The following IFT140 variants were observed in gnomAD, a reference collection of about 807,000 sequenced individuals.
IFT140 encodes the protein intraflagellar transport 140, also known as intraflagellar transport protein 140 homolog.
IFT140 carries 133 observed loss-of-function variants against 164.6 expected under a neutral mutation model. That is an observed-to-expected ratio of 0.81 (90% confidence interval 0.70 to 0.93). The LOEUF is 0.93. Ranked by LOEUF, IFT140 falls within the 40% of genes least tolerant of loss-of-function variation. IFT140 has a pLI of 0.00. For missense variants in IFT140, 2,045 were observed against 1,972.3 expected, an observed-to-expected ratio of 1.04 and a Z score of -0.70; for synonymous variants, 860 against 817.3, an observed-to-expected ratio of 1.05 and a Z score of -0.89.
intron 26 of IFT140, among the ~76,000 whole-genome samples, chr16:1,521,256 G>A (rs1459738719): frequency 3.9e-5 from 6 of 151,962 alleles, no homozygotes; most frequent in African/African-American, 7.3e-5. Flanking sequence ...AGTAGAGACG[G>A]GGTTTTGCAA....
Position 1,531,612 on chromosome 16 carries a change from G to C in IFT140, c.2400-4816C>G, listed in dbSNP as rs1455111706. On this transcript the variant is annotated intron_variant, in intron 19 of 30. Coordinates refer to ENST00000426508, the MANE Select transcript of IFT140 (RefSeq NM_014714.4). The surrounding 1 kb of genome is among the most constrained non-coding windows in gnomAD (Gnocchi z 4.7). ...CCTTACTGGGAGTCACCCCCCGAGA[G>C]CCACAGATCCTCCCAGGAGGGTCGC... is the stretch of plus-strand genomic sequence containing the variant. 1 of 152,288 alleles carries C rather than the reference G, an allele frequency of 6.6e-6. No homozygotes were observed. Among genetic ancestry groups the C allele is most frequent in the Admixed American group, 6.5e-5 (1 of 15,276 alleles). 9.4% of individuals were successfully genotyped at this position (152,288 alleles called of 1,614,324 possible).
chr16:1,550,684 C>T (rs1439354319), intron 19 of IFT140, among the ~76,000 whole-genome samples: 3 of 152,214 alleles, frequency 2.0e-5, no homozygotes, highest in Non-Finnish European at 4.4e-5. Flanking sequence ...AGCCTTCCCA[C>T]TTTTAATTTA....
chr16:1,600,054 G>A (rs1214968266), intron 4 of IFT140, among the ~76,000 whole-genome samples: 6 of 147,674 alleles, frequency 4.1e-5, no homozygotes, highest in South Asian at 2.2e-4. Flanking sequence ...GATGGTTGCC[G>A]TGTCTGTGTA....
At chr16:1,565,356 A>C (rs908857852) in intron 16 of IFT140, among the ~76,000 whole-genome samples, 13 of 151,990 alleles carry the variant, frequency 8.6e-5, no homozygotes, top group African/African-American at 3.1e-4. Context: ...AGAGTTCCAC[A>C]GGAAGTCACT....
intron 26 of IFT140, 140 bp downstream of exon 26, chr16:1,523,378 C>A (rs1364599522): frequency 2.4e-6 from 2 of 830,640 alleles, no homozygotes; most frequent in African/African-American, 3.4e-5. Flanking sequence ...GTATGTGAAA[C>A]CTAGGGCAGG....
In IFT140 at chr16:1,607,021, G is replaced by A. The variant is rs78322178; in HGVS notation, c.147+99C>T. 742 of 1,180,334 alleles carry A rather than the reference G, an allele frequency of 6.3e-4. 7 individuals carry two copies. In the African/African-American group the frequency reaches 0.011, roughly 17 times the overall value. The allele number at this position is 1,180,334 out of a possible 1,614,324, so 73.1% of individuals were successfully genotyped here. ...GCATGTATACACACACACACCCATA[G>A]GCACACACACACATGTGCACACACA... is the stretch of plus-strand genomic sequence containing the variant. On this transcript the variant is annotated intron_variant, in intron 3 of 30. Coordinates refer to ENST00000426508, the MANE Select transcript of IFT140 (RefSeq NM_014714.4).
chr16:1,582,052 G>T (rs963729744), intron 12 of IFT140, among the ~76,000 whole-genome samples: 2 of 152,164 alleles, frequency 1.3e-5, no homozygotes, highest in African/African-American at 4.8e-5. Context: ...GTGTGGGCAG[G>T]CGGCTGAGGG....
rs961493274 is a variant in IFT140, at chr16:1,551,859, T to A, written c.2399+6076A>T. Among the ~76,000 whole-genome samples, 23 of 152,046 alleles carry A rather than the reference T, an allele frequency of 1.5e-4. No individual in the cohort carries two copies. The highest frequency in any genetic ancestry group is 6.5e-5 in the Admixed American group (1 of 15,270). ...TGCCTTAGAGTTTTCTTCCCGAGGT[T>A]TTCCTAGAAAGCCACTGTAAATCCG... On this transcript the variant is annotated intron_variant, in intron 19 of 30. Transcript: ENST00000426508. This position sits in a 1 kb window ranked among gnomAD's most constrained non-coding sequence, Gnocchi z 4.0.
rs907501573 is a variant in IFT140, at chr16:1,587,707, G to A, written c.902+226C>T. On this transcript the variant is annotated intron_variant, in intron 8 of 30. Transcript: ENST00000426508. Reference sequence around the variant, plus strand: ...AAACACCAAGGCAGGGCCACCTGGGGGTAAGGGGAGCCCCGAGGGAGTGCA... The same window carrying A: ...AAACACCAAGGCAGGGCCACCTGGGAGTAAGGGGAGCCCCGAGGGAGTGCA... 3.3e-5 allele frequency among the ~76,000 whole-genome samples: 5 copies of A among 152,348 alleles called. No individual in the cohort carries two copies. In the East Asian group the frequency reaches 7.7e-4, roughly 24 times the overall value.
At position 1,563,533 on chromosome 16, in the gene IFT140, T is replaced by G. The variant is rs190284653; in HGVS notation, c.2067+464A>C. Among the ~76,000 whole-genome samples the G allele has an allele frequency of 9.9e-5, 15 of 152,076 alleles. No homozygotes were observed. In the East Asian group the frequency reaches 3.0e-3, roughly 30 times the overall value. On this transcript the variant is annotated intron_variant, in intron 17 of 30. Transcript: ENST00000426508. ...AGTTGAGACAAGAGAACCAAAAAAA[T>G]GCCATTCAGGTCAGACCAGACAGTA...
At chr16:1,541,827 G>A in intron 19 of IFT140, 4 of 1,430,032 alleles carry the variant, frequency 2.8e-6, no homozygotes, top group East Asian at 2.6e-5. Context: ...CGCCCTTTCC[G>A]AGGCAAACAG....
At chr16:1,576,609 A>ATT (rs1567392302) in intron 13 of IFT140, 6 of 151,852 alleles carry the variant, frequency 4.0e-5, no homozygotes, top group African/African-American at 1.5e-4. Flanking sequence ...AAAAAAACAA[A>ATT]TTTTGACTTT....
intron 19 of IFT140, among the ~76,000 whole-genome samples, chr16:1,552,286 C>G (rs542166781): frequency 6.6e-6 from 1 of 152,238 alleles, no homozygotes; most frequent in African/African-American, 2.4e-5. Flanking sequence ...GCATCGCCCC[C>G]CTGCTGGGCT....
intron 19 of IFT140, 196 bp downstream of exon 19, chr16:1,557,739 G>A: frequency 1.7e-6 from 1 of 605,098 alleles, no homozygotes; most frequent in Non-Finnish European, 2.9e-6. Flanking sequence ...CCCAGCACCA[G>A]AGAGGCTGAG....
intron 17 of IFT140, among the ~76,000 whole-genome samples, chr16:1,562,556 G>A (rs991132380): frequency 2.0e-5 from 3 of 152,086 alleles, no homozygotes; most frequent in African/African-American, 4.8e-5. Flanking sequence ...GGCGGATCAC[G>A]AGGTCAGGAG....
In IFT140 at chr16:1,510,437, T is replaced by G; in HGVS notation, c.*507A>C. ...GGACAGGGCACGGGCTCTCAGAAAATAAACTGCTTTATTGGAATTACAGGA... is the reference window on the plus strand; with the variant it reads ...GGACAGGGCACGGGCTCTCAGAAAAGAAACTGCTTTATTGGAATTACAGGA... On this transcript the variant is annotated 3_prime_UTR_variant, in exon 31 of 31. Coordinates refer to ENST00000426508, the MANE Select transcript of IFT140 (RefSeq NM_014714.4). The G allele has an allele frequency of 4.6e-6, 1 of 217,690 alleles. No homozygotes were observed. 13.5% of individuals were successfully genotyped at this position (217,690 alleles called of 1,614,324 possible). A position where few individuals can be genotyped will look rare whatever the true frequency, so the allele number is the denominator to read the frequency against.
chr16:1,604,598 G>A (rs893656683), intron 3 of IFT140: 1 of 152,520 alleles, frequency 6.6e-6, no homozygotes, highest in Non-Finnish European at 1.5e-5. Flanking sequence ...AGCAGGGAGT[G>A]ATTCCATCTG....
intron 19 of IFT140, 134 bp from the exon 20 acceptor site, chr16:1,526,930 C>T (rs1435215574): frequency 3.8e-5 from 37 of 977,830 alleles, no homozygotes; most frequent in African/African-American, 5.0e-5. Context: ...CTTCACCCAT[C>T]GGCTCCGCCC....
In IFT140 at chr16:1,541,225, T is replaced by C. The variant is rs975011031; in HGVS notation, c.2400-14429A>G. The C allele has an allele frequency of 5.1e-6, 5 of 985,272 alleles. No homozygotes were observed. The Admixed American group carries it at 3.1e-4, about 61-fold the overall frequency. 61.0% of individuals were successfully genotyped at this position (985,272 alleles called of 1,614,324 possible). A position where few individuals can be genotyped will look rare whatever the true frequency, so the allele number is the denominator to read the frequency against. On this transcript the variant is annotated intron_variant, in intron 19 of 30. Coordinates refer to ENST00000426508, the MANE Select transcript of IFT140 (RefSeq NM_014714.4). Reference sequence around the variant, plus strand: ...TGTGAGTGGGGAAGCAGGCCCTGACTTAAGCCACTGAGTGAAAGATTTGTG... The same window carrying C: ...TGTGAGTGGGGAAGCAGGCCCTGACCTAAGCCACTGAGTGAAAGATTTGTG...
Sources: allele counts gnomAD v4.1 joint callset (sites outside exome capture counted in the v4.1 genomes callset), GRCh38; gene constraint gnomAD v4.1.1; non-coding constraint Gnocchi (gnomAD v3.1); transcripts MANE v1.5; gene names NCBI Gene and HGNC (gene_info 2026-07-23, HGNC 2026-07-21).